The following KRABD4 variants were observed in gnomAD, a reference collection of about 807,000 sequenced individuals.
The protein encoded by KRABD4 is KRAB domain-containing protein 4.
chrX:46,472,828 G>A, the KRABD4 span: 1 of 1,211,490 alleles, frequency 8.3e-7, no homozygotes. Flanking sequence ...GCATTCATAG[G>A]CAAGGAAACA....
the KRABD4 span, chrX:46,472,997 T>C: frequency 1.7e-6 from 2 of 1,211,118 alleles, no homozygotes; most frequent in Non-Finnish European, 2.2e-6. Flanking sequence ...GGAAGCTATG[T>C]AAGAAAGAAA....
At chrX:46,466,128 A>C in the KRABD4 span, among the ~76,000 whole-genome samples, 1 of 111,821 alleles carries the variant, frequency 8.9e-6, no homozygotes, top group Non-Finnish European at 1.9e-5. Flanking sequence ...AAAACTGTCC[A>C]GTCTCATGTA....
At chrX:46,451,232 C>T in the KRABD4 span, among the ~76,000 whole-genome samples, 4 of 112,224 alleles carry the variant, frequency 3.6e-5, no homozygotes, top group South Asian at 3.7e-4. Flanking sequence ...CCATGTTCCT[C>T]GTCAGAGATG....
chrX:46,461,189 A>G, the KRABD4 span, among the ~76,000 whole-genome samples: 1 of 110,909 alleles, frequency 9.0e-6, no homozygotes, highest in Non-Finnish European at 1.9e-5. Flanking sequence ...ACTGGCTGGT[A>G]GGAAGCCATG....
the KRABD4 span, chrX:46,455,630 CT>C: frequency 0.012 from 4,501 of 372,954 alleles, 143 homozygotes; most frequent in African/African-American, 0.1. Context: ...TACAAAAAAG[CT>C]TTTCAAATTT....
At chrX:46,472,527 G>T in the KRABD4 span, 1 of 366,173 alleles carries the variant, frequency 2.7e-6, no homozygotes, top group Non-Finnish European at 4.7e-6. Context: ...TCTGGTTTGA[G>T]CTTGGCTGCA....
the KRABD4 span, chrX:46,462,428 T>G: frequency 2.5e-5 from 6 of 241,255 alleles, no homozygotes; most frequent in Non-Finnish European, 4.5e-5. Context: ...GAGAATCGCT[T>G]GAACCCGGGA....
the KRABD4 span, among the ~76,000 whole-genome samples, chrX:46,457,458 G>C: frequency 9.0e-6 from 1 of 110,839 alleles, no homozygotes; most frequent in African/African-American, 3.3e-5. Flanking sequence ...TAGTCAAAAA[G>C]ATAAGGCAAG....
At chrX:46,460,417 C>CAAA in the KRABD4 span, among the ~76,000 whole-genome samples, 3 of 74,979 alleles carry the variant, frequency 4.0e-5, no homozygotes, top group Non-Finnish European at 7.4e-5. Context: ...AACTCAGTCT[C>CAAA]AAAAAAAAAA....
the KRABD4 span, chrX:46,473,514 A>G: frequency 2.7e-6 from 2 of 739,192 alleles, no homozygotes; most frequent in Non-Finnish European, 3.9e-6. Flanking sequence ...AATGTAATAA[A>G]TGTGGGAAAT....
At chrX:46,455,828 C>T in the KRABD4 span, 1 of 347,278 alleles carries the variant, frequency 2.9e-6, no homozygotes, top group Non-Finnish European at 5.3e-6. Context: ...TCCAAACAGG[C>T]ATAGTAAGCA....
the KRABD4 span, chrX:46,450,556 C>T: frequency 1.2e-6 from 1 of 859,428 alleles, no homozygotes; most frequent in Non-Finnish European, 1.7e-6. Context: ...CTTGAAAATA[C>T]CAATTATCCC....
the KRABD4 span, among the ~76,000 whole-genome samples, chrX:46,464,066 A>AC: frequency 9.1e-6 from 1 of 109,859 alleles, no homozygotes; most frequent in African/African-American, 3.3e-5. Context: ...AAAAAAAAAA[A>AC]ACACACTTGA....
chrX:46,467,904 G>GA, the KRABD4 span, among the ~76,000 whole-genome samples: 208 of 111,687 alleles, frequency 1.9e-3, 4 homozygotes, highest in South Asian at 0.034. Context: ...AGTATCTTTT[G>GA]AAAAACAAAT....
At chrX:46,450,457 C>A in the KRABD4 span, 4 of 1,207,843 alleles carry the variant, frequency 3.3e-6, no homozygotes, top group Non-Finnish European at 4.5e-6. Flanking sequence ...CAGAGCAGAA[C>A]AGGATGGCCA....
chrX:46,453,134 A>G, the KRABD4 span, among the ~76,000 whole-genome samples: 3 of 111,969 alleles, frequency 2.7e-5, no homozygotes, highest in African/African-American at 9.7e-5. Flanking sequence ...GATTTGTCTT[A>G]TACATCTTGG....
chrX:46,472,628 C>T, the KRABD4 span: 1 of 793,383 alleles, frequency 1.3e-6, no homozygotes, highest in Non-Finnish European at 1.8e-6. Flanking sequence ...GAGGGTCCAT[C>T]CACATCAGCT....
chrX:46,448,686 G>A, the KRABD4 span: 1 of 113,355 alleles, frequency 8.8e-6, no homozygotes, highest in African/African-American at 3.2e-5. Flanking sequence ...GTCCCCCCAT[G>A]GGGCAGGTGC....
At chrX:46,447,627 C>G in the KRABD4 span, among the ~76,000 whole-genome samples, 1 of 109,188 alleles carries the variant, frequency 9.2e-6, no homozygotes, top group Admixed American at 9.7e-5. Context: ...TTGAGTCACT[C>G]CGCGCCTGTT....
Sources: gnomAD v4.1 joint callset for allele counts (sites outside exome capture counted in the v4.1 genomes callset) on GRCh38, gnomAD v4.1.1 for gene constraint, MANE v1.5 for transcripts, NCBI Gene and HGNC (gene_info 2026-07-23, HGNC 2026-07-21) for gene names.